Variants in PHKB observed in about 807,000 individuals in gnomAD.
PHKB encodes the protein phosphorylase b kinase regulatory subunit beta.
Under a neutral mutation model 152.1 loss-of-function variants are expected in PHKB, and 122 were observed. The observed-to-expected ratio is 0.80, with a 90% CI of 0.69 to 0.93. The LOEUF (loss-of-function observed/expected upper bound fraction) is 0.93, where lower values mean the gene tolerates loss of function less well. PHKB is among the 40% of genes least tolerant of loss of function. PHKB has a pLI of 0.00. For synonymous variants in PHKB, 436 were observed against 464.9 expected (o/e 0.94, Z 0.80); for missense variants, 1,304 against 1,328.4 (o/e 0.98, Z 0.29).
At chr16:47,665,619 A>ATCCCTCCTATACACCC in intron 25 of PHKB, 1 of 400,042 alleles carries the variant, frequency 2.5e-6, no homozygotes, top group Non-Finnish European at 4.7e-6. Context: ...TACCCTCTTA[A>ATCCCTCCTATACACCC]TCCCTCCTAT....
intron 14 of PHKB, among the ~76,000 whole-genome samples, chr16:47,614,230 A>G (rs1267181739): frequency 6.6e-6 from 1 of 152,182 alleles, no homozygotes; most frequent in Non-Finnish European, 1.5e-5. Context: ...CAGTACCAAA[A>G]GGGGATGGTG....
intron 13 of PHKB, chr16:47,598,934 G>A: frequency 6.4e-7 from 1 of 1,565,430 alleles, no homozygotes; most frequent in South Asian, 1.1e-5. Context: ...AATATTCTTA[G>A]CCTCTCATGT....
At chr16:47,496,652 G>A (rs1270471534) in intron 1 of PHKB, among the ~76,000 whole-genome samples, 1 of 152,218 alleles carries the variant, frequency 6.6e-6, no homozygotes, top group Non-Finnish European at 1.5e-5. Flanking sequence ...GATGGCTGAA[G>A]GTTCAGATGT....
intron 7 of PHKB, among the ~76,000 whole-genome samples, chr16:47,570,099 G>T (rs1489210297): frequency 1.3e-5 from 2 of 152,216 alleles, no homozygotes; most frequent in Non-Finnish European, 1.5e-5. Flanking sequence ...TGTTTGAGGA[G>T]ACTAAAGATA....
chr16:47,528,811 C>T (rs762079044), intron 6 of PHKB, among the ~76,000 whole-genome samples: 112 of 151,750 alleles, frequency 7.4e-4, no homozygotes, highest in Non-Finnish European at 1.1e-3. Context: ...ATTCTTCTGC[C>T]TCAGCCTCCC....
At chr16:47,573,573 G>A (rs1971699361) in intron 7 of PHKB, among the ~76,000 whole-genome samples, 1 of 152,192 alleles carries the variant, frequency 6.6e-6, no homozygotes, top group Non-Finnish European at 1.5e-5. Flanking sequence ...GGCAACAGCT[G>A]GGTCCCAGGC....
intron 9 of PHKB, 111 bp from the exon 10 acceptor site, chr16:47,588,794 C>A (rs1971978017): frequency 1.1e-6 from 1 of 873,246 alleles, no homozygotes; most frequent in African/African-American, 1.6e-5. Flanking sequence ...GCAGAGCGTG[C>A]TCACTTTTGA....
At chr16:47,485,708 C>T (rs1466056801) in intron 1 of PHKB, among the ~76,000 whole-genome samples, 1 of 152,124 alleles carries the variant, frequency 6.6e-6, no homozygotes, top group Admixed American at 6.5e-5. Flanking sequence ...CAACCTCTGC[C>T]TCCTGGGCTC....
intron 14 of PHKB, among the ~76,000 whole-genome samples, chr16:47,613,107 G>A (rs1013682012): frequency 2.6e-5 from 4 of 152,254 alleles, no homozygotes; most frequent in Middle Eastern, 3.4e-3. Flanking sequence ...GCTTGTTCCC[G>A]AAAGAAGGTA....
chr16:47,526,508 C>T (rs1368308753), intron 6 of PHKB, among the ~76,000 whole-genome samples: 1 of 152,038 alleles, frequency 6.6e-6, no homozygotes, highest in Non-Finnish European at 1.5e-5. Context: ...AATCATATAG[C>T]TGGTTTCCTT....
At chr16:47,661,946 T>TC in intron 23 of PHKB, 146 bp downstream of exon 23, 1 of 695,146 alleles carries the variant, frequency 1.4e-6, no homozygotes, top group Non-Finnish European at 2.6e-6. Context: ...TGGAAAATGT[T>TC]CATTCATACC....
At chr16:47,468,649 G>A (rs955920525) in intron 1 of PHKB, among the ~76,000 whole-genome samples, 3 of 152,182 alleles carry the variant, frequency 2.0e-5, no homozygotes, top group African/African-American at 7.2e-5. Context: ...TCGAAACTGT[G>A]TCTCACAAAA....
chr16:47,522,124 C>G (rs1354557053), intron 6 of PHKB, among the ~76,000 whole-genome samples: 1 of 152,048 alleles, frequency 6.6e-6, no homozygotes, highest in Non-Finnish European at 1.5e-5. Context: ...GTTTCCTCTT[C>G]TATTTTTTGA....
chr16:47,550,961 A>G (rs933118064), intron 7 of PHKB, among the ~76,000 whole-genome samples: 13 of 152,194 alleles, frequency 8.5e-5, no homozygotes, highest in Non-Finnish European at 1.9e-4. Context: ...GTATGTGTCC[A>G]GCAATTTATC....
chr16:47,663,834 AT>A, intron 24 of PHKB, 100 bp downstream of exon 24: 2 of 798,696 alleles, frequency 2.5e-6, no homozygotes, highest in Non-Finnish European at 4.4e-6. Flanking sequence ...ATTCATCCTA[AT>A]TTTTACTTTT....
intron 1 of PHKB, among the ~76,000 whole-genome samples, chr16:47,476,372 G>A (rs890317272): frequency 1.3e-5 from 2 of 151,954 alleles, no homozygotes. Context: ...CCTCTTGTTT[G>A]GTTATCTTTT....
At chr16:47,555,190 G>A (rs929702807) in intron 7 of PHKB, among the ~76,000 whole-genome samples, 1 of 151,954 alleles carries the variant, frequency 6.6e-6, no homozygotes, top group African/African-American at 2.4e-5. Context: ...TTTCTTCATC[G>A]AACTATGATA....
intron 7 of PHKB, among the ~76,000 whole-genome samples, chr16:47,564,143 T>C (rs1260837057): frequency 6.6e-6 from 1 of 152,070 alleles, no homozygotes; most frequent in Non-Finnish European, 1.5e-5. Flanking sequence ...AATATACACA[T>C]GCAGGTATCT....
intron 6 of PHKB, among the ~76,000 whole-genome samples, chr16:47,528,025 A>G (rs1199731615): frequency 6.6e-6 from 1 of 152,232 alleles, no homozygotes; most frequent in Non-Finnish European, 1.5e-5. Flanking sequence ...TGGCAGCCTT[A>G]GCAAAGAAGT....
Sources: gnomAD v4.1 joint callset for allele counts (sites outside exome capture counted in the v4.1 genomes callset) on GRCh38, gnomAD v4.1.1 for gene constraint, MANE v1.5 for transcripts, NCBI Gene and HGNC (gene_info 2026-07-23, HGNC 2026-07-21) for gene names.